Variants in PDE10A observed in about 807,000 individuals in gnomAD.
PDE10A encodes phosphodiesterase 10A, also known as cAMP and cAMP-inhibited cGMP 3',5'-cyclic phosphodiesterase 10A.
A neutral mutation model predicts 97.7 loss-of-function variants in PDE10A; 39 were observed. The observed-to-expected ratio is 0.40, with a 90% CI of 0.31 to 0.52. The LOEUF is 0.52. PDE10A is among the 20% of genes least tolerant of loss of function. The pLI is 0.56. For synonymous variants in PDE10A, 371 were observed against 376.8 expected, an observed-to-expected ratio of 0.98 and a Z score of 0.18; for missense variants, 731 against 1,047.8, an observed-to-expected ratio of 0.70 and a Z score of 4.17.
chr6:165,409,345 G>A (rs367905555), intron 13 of PDE10A, among the ~76,000 whole-genome samples: 106 of 152,216 alleles, frequency 7.0e-4, no homozygotes, highest in African/African-American at 2.5e-3. Flanking sequence ...TCAGGAGTTC[G>A]AGAATAGCCT....
chr6:165,624,682 A>C (rs1397045933), intron 1 of PDE10A, among the ~76,000 whole-genome samples: 5 of 152,210 alleles, frequency 3.3e-5, no homozygotes, highest in Non-Finnish European at 5.9e-5. Flanking sequence ...ACTGAGCAGC[A>C]GCTCTGTACC....
At chr6:165,842,743 T>C (rs1745006789) in intron 1 of PDE10A, among the ~76,000 whole-genome samples, 1 of 152,192 alleles carries the variant, frequency 6.6e-6, no homozygotes, top group African/African-American at 2.4e-5. Flanking sequence ...TGAAGTAACT[T>C]GCCGATAGTC....
chr6:165,986,265 T>C, intron 1 of PDE10A: 1 of 152,336 alleles, frequency 6.6e-6, no homozygotes, highest in Non-Finnish European at 1.5e-5. Flanking sequence ...CCCCTGGCCC[T>C]CCCCCCTCGG....
In PDE10A at chr6:165,428,677, G is replaced by C; in HGVS notation, c.1634C>G (p.Ser545Cys). 1 of 1,361,066 alleles carries C rather than the reference G, an allele frequency of 7.3e-7. No homozygotes were observed. Among genetic ancestry groups the C allele is most frequent in the Non-Finnish European group, 1.0e-6 (1 of 964,520 alleles). The allele number at this position is 1,361,066 out of a possible 1,614,324, so 84.3% of individuals were successfully genotyped here. A position where few individuals can be genotyped will look rare whatever the true frequency, so the allele number is the denominator to read the frequency against. ...TYFDNIVAID[S>C]LLEHIMIYAK... ...ACCTACCATTATGTGTTCAAGTAGAGAATCTATTGCAACTATGTTATCAAA... is the reference window on the plus strand; with the variant it reads ...ACCTACCATTATGTGTTCAAGTAGACAATCTATTGCAACTATGTTATCAAA... Residue 545 changes from serine (S) to cysteine (C), a missense_variant, in exon 10 of 22, where the codon TCT becomes TGT. Ser to Cys is a moderately radical substitution (Grantham distance 112, BLOSUM62 -1). Transcript: ENST00000539869.
chr6:165,462,809 A>G (rs1246010480), intron 3 of PDE10A, among the ~76,000 whole-genome samples: 1 of 152,248 alleles, frequency 6.6e-6, no homozygotes, highest in African/African-American at 2.4e-5. Flanking sequence ...GCTGACACAG[A>G]GAACAATTAT....
chr6:165,923,505 G>C (rs1177026839), intron 1 of PDE10A, among the ~76,000 whole-genome samples: 1 of 152,206 alleles, frequency 6.6e-6, no homozygotes, highest in South Asian at 2.1e-4. Context: ...GCGAAGACAG[G>C]CTGGGCTGCA....
chr6:165,623,818 TTCTC>T (rs1374595267), intron 1 of PDE10A, among the ~76,000 whole-genome samples: 18 of 152,192 alleles, frequency 1.2e-4, no homozygotes, highest in South Asian at 2.1e-4. Flanking sequence ...CCCCAGGTTT[TTCTC>T]TCTAATTTAT....
intron 18 of PDE10A, among the ~76,000 whole-genome samples, chr6:165,350,844 G>A (rs962141142): frequency 6.6e-6 from 1 of 152,138 alleles, no homozygotes; most frequent in Non-Finnish European, 1.5e-5. Flanking sequence ...ACTGCCATGT[G>A]AAGAAGGACG....
chr6:165,851,940 A>G (rs1310301663), intron 1 of PDE10A, among the ~76,000 whole-genome samples: 3 of 152,228 alleles, frequency 2.0e-5, no homozygotes, highest in African/African-American at 4.8e-5. Context: ...AATTAAAGCT[A>G]TATGTATAGA....
intron 1 of PDE10A, among the ~76,000 whole-genome samples, chr6:165,582,936 C>T (rs538164046): frequency 1.3e-5 from 2 of 152,180 alleles, no homozygotes; most frequent in African/African-American, 2.4e-5. Context: ...TTTCTTCGTG[C>T]GGCAAATAAC....
intron 18 of PDE10A, among the ~76,000 whole-genome samples, chr6:165,352,275 C>T (rs1483742821): frequency 2.0e-5 from 3 of 152,142 alleles, no homozygotes; most frequent in African/African-American, 2.4e-5. Flanking sequence ...ATTCTTAATA[C>T]AAATAAGGAT....
At chr6:165,482,449 A>C in intron 2 of PDE10A, 106 bp from the exon 3 acceptor site, 1 of 819,976 alleles carries the variant, frequency 1.2e-6, no homozygotes, top group Non-Finnish European at 2.2e-6. Flanking sequence ...TTTTTTTGCA[A>C]TGCTTCCTCT....
At chr6:165,663,392 G>C (rs977558810), upstream of PDE10A, among the ~76,000 whole-genome samples, 2 of 152,164 alleles carry the variant, frequency 1.3e-5, no homozygotes, top group Non-Finnish European at 2.9e-5. Flanking sequence ...CGGGCGGACA[G>C]AGCAACCGCT....
intron 1 of PDE10A, among the ~76,000 whole-genome samples, chr6:165,770,363 A>T (rs1353552952): frequency 6.6e-6 from 1 of 152,180 alleles, no homozygotes; most frequent in Non-Finnish European, 1.5e-5. Flanking sequence ...GAAATCAGAT[A>T]AGCAGAAAGG....
intron 2 of PDE10A, among the ~76,000 whole-genome samples, chr6:165,532,356 A>G (rs1028928767): frequency 2.0e-5 from 3 of 151,522 alleles, no homozygotes; most frequent in Admixed American, 6.6e-5. Flanking sequence ...AACGCTTGCT[A>G]AGCATTAGAC....
rs181730952 is a variant in PDE10A at position 165,441,969 on chromosome 6, T to G, written c.1195-6592A>C. 1.9e-3 allele frequency among the ~76,000 whole-genome samples: 290 copies of G among 152,324 alleles called. 2 individuals carry two copies. The highest frequency in any genetic ancestry group is 6.7e-3 in the African/African-American group (279 of 41,586). ...TTATCTAGGTTTTCACATTTGTTAG[T>G]AAACATAATCCCTCATAATTTCTAA... is the stretch of plus-strand genomic sequence containing the variant. On this transcript the variant is annotated intron_variant, in intron 5 of 21. Transcript: ENST00000539869.
Position 165,700,670 on chromosome 6 carries a change from T to C in PDE10A, c.-614-157102A>G, listed in dbSNP as rs979113143. Among the ~76,000 whole-genome samples the C allele has an allele frequency of 2.0e-5, 3 of 152,302 alleles. No individual in the cohort carries two copies. In the South Asian group the frequency reaches 6.2e-4, roughly 32 times the overall value. ...TAATTTGGGGATTGGAGAGAGGTAG[T>C]CACATTTGAACTAAAGATTTGTTAC... On this transcript the variant is annotated intron_variant, in intron 1 of 19. Transcript: ENST00000366882.
At chr6:165,811,703 G>A (rs983313862) in intron 1 of PDE10A, among the ~76,000 whole-genome samples, 1 of 152,166 alleles carries the variant, frequency 6.6e-6, no homozygotes, top group Non-Finnish European at 1.5e-5. Context: ...AGGCCGGGAG[G>A]GGGGCTCTGT....
intron 5 of PDE10A, among the ~76,000 whole-genome samples, chr6:165,444,543 A>T (rs1453172713): frequency 6.6e-6 from 1 of 152,142 alleles, no homozygotes; most frequent in Non-Finnish European, 1.5e-5. Context: ...AATAAAAGAC[A>T]GTTTGGTTTT....
Sources: allele counts gnomAD v4.1 joint callset (sites outside exome capture counted in the v4.1 genomes callset), GRCh38; gene constraint gnomAD v4.1.1; transcripts MANE v1.5; gene names NCBI Gene and HGNC (gene_info 2026-07-23, HGNC 2026-07-21).